GPSM1: variants seen among roughly 807,000 people sequenced by gnomAD.
GPSM1 encodes the protein G protein-signaling modulator 1.
GPSM1 carries 48 observed loss-of-function variants against 70.5 expected under a neutral mutation model. That is an observed-to-expected ratio of 0.68 (90% CI 0.54 to 0.87). The LOEUF (loss-of-function observed/expected upper bound fraction) is 0.87, where lower values mean the gene tolerates loss of function less well. GPSM1 is among the 40% of genes least tolerant of loss of function. The pLI is 0.00. For missense variants in GPSM1, 981 were observed against 972.6 expected (o/e 1.01, Z -0.11); for synonymous variants, 416 against 430.1 (o/e 0.97, Z 0.41).
rs1040259241 is a variant in GPSM1 at position 136,341,315 on chromosome 9, C to G, written c.1207+322C>G. Reference sequence around the variant, plus strand: ...CCTCGGTGCAGGGAGGGCTTCTGTCCTCAGACCCAAGTAGGAGAGGGCTGC... The same window carrying G: ...CCTCGGTGCAGGGAGGGCTTCTGTCGTCAGACCCAAGTAGGAGAGGGCTGC... On this transcript the variant is annotated intron_variant, in intron 9 of 13. Transcript: ENST00000440944. The surrounding 1 kb of genome is among the most constrained non-coding windows in gnomAD (Gnocchi z 6.7). 6.9e-7 allele frequency: 1 copy of G among 1,445,174 alleles called. No individual in the cohort carries two copies. Among genetic ancestry groups the G allele is most frequent in the South Asian group, 1.5e-5 (1 of 67,744 alleles). 89.5% of individuals were successfully genotyped at this position (1,445,174 alleles called of 1,614,324 possible). A position where few individuals can be genotyped will look rare whatever the true frequency, so the allele number is the denominator to read the frequency against.
intron 13 of GPSM1, among the ~76,000 whole-genome samples, 164 bp downstream of exon 13, chr9:136,356,714 G>A (rs782304482): frequency 3.3e-5 from 5 of 152,132 alleles, no homozygotes; most frequent in East Asian, 1.9e-4. Context: ...ATGACCAGGG[G>A]TGTCTGAGCC....
intron 9 of GPSM1, among the ~76,000 whole-genome samples, chr9:136,348,282 G>A (rs529210064): frequency 9.8e-5 from 15 of 152,322 alleles, no homozygotes; most frequent in African/African-American, 3.4e-4. Context: ...TGCCTCCGGG[G>A]CACAGCATGA....
intron 1 of GPSM1, 150 bp downstream of exon 1, chr9:136,327,913 A>T (rs1411460954): frequency 5.9e-6 from 1 of 170,540 alleles, no homozygotes; most frequent in African/African-American, 2.4e-5. Flanking sequence ...GGCCGAGCCC[A>T]GCCCGGCGTG....
At chr9:136,336,407 G>C (rs1434913806) in intron 3 of GPSM1, among the ~76,000 whole-genome samples, 1 of 152,218 alleles carries the variant, frequency 6.6e-6, no homozygotes, top group Non-Finnish European at 1.5e-5. Context: ...GGGCCCAGCG[G>C]GAGGCAGGGG....
In GPSM1 at chr9:136,337,504, C is replaced by T. The variant is rs1554769454; in HGVS notation, c.642C>T (p.Asn214=). ...DRAAQGRAYG[N]LGNTHYLLGN... is the part of the protein sequence containing the mutation. ...CGGCGCAGGGCAGGGCCTACGGCAACCTGGGCAACACCCACTATTTGTTGG... is the reference window on the plus strand; with the variant it reads ...CGGCGCAGGGCAGGGCCTACGGCAATCTGGGCAACACCCACTATTTGTTGG... Residue 214 remains asparagine (N), a synonymous_variant, in exon 5 of 14, where the codon AAC becomes AAT. Coordinates refer to ENST00000440944, the MANE Select transcript of GPSM1 (RefSeq NM_001145638.3). The T allele has an allele frequency of 6.4e-7, 1 of 1,562,856 alleles. No individual in the cohort carries two copies. The highest frequency in any genetic ancestry group is 8.7e-7 in the Non-Finnish European group (1 of 1,153,524).
chr9:136,344,193 G>A (rs1396044787), intron 9 of GPSM1, among the ~76,000 whole-genome samples: 17 of 147,428 alleles, frequency 1.2e-4, no homozygotes, highest in Non-Finnish European at 1.5e-5. Context: ...GGAGCGGGGG[G>A]AGGCGCGGAC....
intron 9 of GPSM1, among the ~76,000 whole-genome samples, chr9:136,347,729 CA>C (rs1313230762): frequency 0.031 from 3,947 of 127,478 alleles, 63 homozygotes; most frequent in Middle Eastern, 0.096. Context: ...GATTCCATCC[CA>C]TTTTTTCCGT....
chr9:136,333,373 C>T (rs1554768744), intron 1 of GPSM1, among the ~76,000 whole-genome samples: 1 of 151,826 alleles, frequency 6.6e-6, no homozygotes, highest in Non-Finnish European at 1.5e-5. Context: ...ACACCAGGCC[C>T]CAGAGCAGGC....
chr9:136,355,636 G>A (rs554870145), intron 11 of GPSM1, 54 bp from the exon 12 acceptor site: 65 of 1,565,560 alleles, frequency 4.2e-5, no homozygotes, highest in Admixed American at 2.4e-4. Context: ...CCCCGGTCTC[G>A]TCTGGGGGTC....
chr9:136,356,240 GGC>G lies in GPSM1; in HGVS notation c.1613-101_1613-100del, dbSNP rs1473891476. The G allele has an allele frequency of 1.7e-5, 15 of 893,470 alleles. No individual in the cohort carries two copies. In the Admixed American group the frequency reaches 4.5e-4, roughly 27 times the overall value. 55.3% of individuals were successfully genotyped at this position (893,470 alleles called of 1,614,324 possible). A position where few individuals can be genotyped will look rare whatever the true frequency, so the allele number is the denominator to read the frequency against. ...GAGCCATGGCCCCAGCAGCACAGTG[GGC>G]TGGGCTGGGCTCAGAGGTCAGAGCT... On this transcript the variant is annotated intron_variant, in intron 12 of 13. Coordinates refer to ENST00000440944, the MANE Select transcript of GPSM1 (RefSeq NM_001145638.3).
At position 136,359,022 on chromosome 9, in the gene GPSM1, C is replaced by T. The variant is rs1444426454; in HGVS notation, c.*802C>T. 6.6e-6 allele frequency: 1 copy of T among 152,478 alleles called. No individual in the cohort carries two copies. The highest frequency in any genetic ancestry group is 1.9e-4 in the East Asian group (1 of 5,278). 9.4% of individuals were successfully genotyped at this position (152,478 alleles called of 1,614,324 possible). On this transcript the variant is annotated 3_prime_UTR_variant, in exon 14 of 14. Transcript: ENST00000440944. The stretch of plus-strand genomic sequence containing the variant: ...GTAGCACCAGGCTCTGTGACCCTCA[C>T]CCAAGTGGGGGGGTGGTCAGTGGAA...
chr9:136,350,556 T>C (rs1366108655), intron 11 of GPSM1, among the ~76,000 whole-genome samples: 1 of 151,950 alleles, frequency 6.6e-6, no homozygotes, highest in Non-Finnish European at 1.5e-5. Flanking sequence ...GTGAGTGGGG[T>C]CATGGAGGGG....
chr9:136,345,138 G>A lies in GPSM1; in HGVS notation c.1208-3559G>A, dbSNP rs375593123. On this transcript the variant is annotated intron_variant, in intron 9 of 13. Coordinates refer to ENST00000440944, the MANE Select transcript of GPSM1 (RefSeq NM_001145638.3). Reference sequence around the variant, plus strand: ...GAGGTCTGAGCCAAGCCGGCGGGGCGGGTGCTGCCCTGAGGGGTCCGGCAG... The same window carrying A: ...GAGGTCTGAGCCAAGCCGGCGGGGCAGGTGCTGCCCTGAGGGGTCCGGCAG... Among the ~76,000 whole-genome samples the A allele has an allele frequency of 3.2e-4, 49 of 152,324 alleles. 2 individuals carry two copies. In the East Asian group the frequency reaches 8.1e-3, roughly 25 times the overall value.
chr9:136,346,433 G>A (rs114932632), intron 9 of GPSM1, among the ~76,000 whole-genome samples: 2,027 of 152,308 alleles, frequency 0.013, 47 homozygotes, highest in African/African-American at 0.047. Context: ...GGAAGGGGCT[G>A]CTAGCAGCCA....
chr9:136,340,798 T>A lies in GPSM1; in HGVS notation c.1084-72T>A. 1 of 1,490,730 alleles carries A rather than the reference T, an allele frequency of 6.7e-7. No individual in the cohort carries two copies. Among genetic ancestry groups the A allele is most frequent in the South Asian group, 1.3e-5 (1 of 76,592 alleles). 92.3% of individuals were successfully genotyped at this position (1,490,730 alleles called of 1,614,324 possible). ...TCAGGGACGGGTGTACTGGGGGCCA[T>A]TAAGGTCCCCTTGGAGCCCACAGCA... On this transcript the variant is annotated intron_variant, in intron 8 of 13. Transcript: ENST00000440944. This position sits in a 1 kb window ranked among gnomAD's most constrained non-coding sequence, Gnocchi z 7.3.
intron 9 of GPSM1, among the ~76,000 whole-genome samples, chr9:136,344,364 C>T (rs1418101137): frequency 6.6e-6 from 1 of 152,176 alleles, no homozygotes; most frequent in Non-Finnish European, 1.5e-5. Context: ...GGGGCAGCAA[C>T]AGCAGACGTT....
chr9:136,349,888 CCCGGTG>C lies in GPSM1; in HGVS notation c.1455+127_1455+132del, dbSNP rs1832617319. ...CACTCCGGGGAGGCAGGGGTCCCTC[CCCGGTG>C]CACCTGGTGCAGTGCTGTCCTGGGA... On this transcript the variant is annotated intron_variant, in intron 11 of 13. Coordinates refer to ENST00000440944, the MANE Select transcript of GPSM1 (RefSeq NM_001145638.3). The C allele has an allele frequency of 1.8e-5, 15 of 849,450 alleles. No homozygotes were observed. In the South Asian group the frequency reaches 2.5e-4, roughly 14 times the overall value. The allele number at this position is 849,450 out of a possible 1,614,324, so 52.6% of individuals were successfully genotyped here.
intron 11 of GPSM1, chr9:136,354,682 A>T: frequency 4.9e-5 from 14 of 286,080 alleles, no homozygotes; most frequent in East Asian, 1.8e-4. Context: ...GACCTGCTTC[A>T]GCTGGGCCCC....
Position 136,358,163 on chromosome 9 carries a change from G to A in GPSM1, c.1971G>A (p.Glu657=). The A allele has an allele frequency of 6.3e-7, 1 of 1,590,650 alleles. No individual in the cohort carries two copies. The highest frequency in any genetic ancestry group is 1.1e-5 in the South Asian group (1 of 88,886). ...GGGTGGACCTCGCCGGGGGCCCGGA[G>A]CAGGGGGCAGGCGGCCCGCCCGAGC... The part of the protein sequence containing the change: ...EQRVDLAGGP[E]QGAGGPPEPQ... The change falls in exon 14 of 14, where the codon GAG becomes GAA. Residue 657 remains glutamate (E), a synonymous_variant. Coordinates refer to ENST00000440944, the MANE Select transcript of GPSM1 (RefSeq NM_001145638.3).
Sources: gnomAD v4.1 joint callset for allele counts (sites outside exome capture counted in the v4.1 genomes callset) on GRCh38, gnomAD v4.1.1 for gene constraint, Gnocchi (gnomAD v3.1) non-coding constraint, MANE v1.5 for transcripts, NCBI Gene and HGNC (gene_info 2026-07-23, HGNC 2026-07-21) for gene names.